PHF21B: variants seen among roughly 807,000 people sequenced by gnomAD.
The protein encoded by PHF21B is PHD finger protein 21B.
In PHF21B, 22 loss-of-function variants were observed where a neutral mutation model predicts 62.2. The observed-to-expected ratio is 0.35, with a 90% CI of 0.25 to 0.51. PHF21B has a LOEUF of 0.51. Ranked by LOEUF, PHF21B falls within the 20% of genes least tolerant of loss-of-function variation. The pLI, the probability that PHF21B is intolerant of heterozygous loss-of-function variation, is 0.97. For synonymous variants in PHF21B, 341 were observed against 314.7 expected, an observed-to-expected ratio of 1.08 and a Z score of -0.88; for missense variants, 701 against 707.9, an observed-to-expected ratio of 0.99 and a Z score of 0.11.
At chr22:44,993,926 T>C (rs2073079813) in intron 2 of PHF21B, among the ~76,000 whole-genome samples, 1 of 152,210 alleles carries the variant, frequency 6.6e-6, no homozygotes. Flanking sequence ...CCCCAGCTTT[T>C]CTGAGATGGT....
chr22:44,884,804 A>G (rs545003416), intron 12 of PHF21B, among the ~76,000 whole-genome samples: 2 of 151,402 alleles, frequency 1.3e-5, no homozygotes, highest in East Asian at 3.9e-4. Context: ...CCAACACCAT[A>G]TCATCATCAC....
chr22:44,899,748 T>G (rs2071125152), intron 5 of PHF21B, among the ~76,000 whole-genome samples: 1 of 152,188 alleles, frequency 6.6e-6, no homozygotes, highest in Non-Finnish European at 1.5e-5. Flanking sequence ...CATTTAATCT[T>G]TTTGCTGCAA....
intron 5 of PHF21B, among the ~76,000 whole-genome samples, chr22:44,905,830 G>A (rs939617378): frequency 6.6e-6 from 1 of 152,126 alleles, no homozygotes; most frequent in Non-Finnish European, 1.5e-5. Flanking sequence ...GGGTTTCACC[G>A]TGTTAGCCAG....
chr22:44,931,039 C>T (rs1472977159), intron 2 of PHF21B, among the ~76,000 whole-genome samples: 1 of 152,208 alleles, frequency 6.6e-6, no homozygotes, highest in African/African-American at 2.4e-5. Context: ...CTTCAGCAAG[C>T]CCCACAAGGA....
At chr22:44,979,415 G>A (rs1205496714) in intron 2 of PHF21B, among the ~76,000 whole-genome samples, 1 of 152,234 alleles carries the variant, frequency 6.6e-6, no homozygotes, top group African/African-American at 2.4e-5. Context: ...CAGTCTTAAG[G>A]ACAGGCGGGG....
chr22:44,929,376 G>T (rs779518040), intron 2 of PHF21B, among the ~76,000 whole-genome samples: 1 of 152,140 alleles, frequency 6.6e-6, no homozygotes, highest in Admixed American at 6.5e-5. Flanking sequence ...CAGACATCCC[G>T]CCTTCATGAG....
intron 2 of PHF21B, among the ~76,000 whole-genome samples, chr22:45,002,449 C>T (rs957789345): frequency 6.6e-6 from 1 of 152,222 alleles, no homozygotes; most frequent in East Asian, 1.9e-4. Context: ...CTAAGAACCT[C>T]TGCTGAAGGC....
chr22:44,969,440 C>T (rs573626506), intron 2 of PHF21B, among the ~76,000 whole-genome samples: 14 of 152,226 alleles, frequency 9.2e-5, no homozygotes, highest in Admixed American at 1.3e-4. Flanking sequence ...CCAAGGCGGG[C>T]GGATCACTTG....
chr22:44,984,093 C>G (rs1333868935), intron 2 of PHF21B, among the ~76,000 whole-genome samples: 2 of 42,096 alleles, frequency 4.8e-5, no homozygotes, highest in Non-Finnish European at 1.0e-4. Flanking sequence ...TCACCATCAT[C>G]ATCACCATCA....
rs1281258640 is a variant in PHF21B at position 45,009,984 on chromosome 22, G to A, written c.-435C>T. On this transcript the variant is annotated 5_prime_UTR_variant, in exon 1 of 13. Transcript: ENST00000313237. This position sits in a 1 kb window ranked among gnomAD's most constrained non-coding sequence, Gnocchi z 5.9. ...TTGGGCCTCGGCAAAGTTGTGCCTC[G>A]GCACGATGCTAATTCGGCAGTGCCC... 1 of 146,160 alleles carries A rather than the reference G, an allele frequency of 6.8e-6. No homozygotes were observed. The highest frequency in any genetic ancestry group is 2.5e-5 in the African/African-American group (1 of 40,674). 9.1% of individuals were successfully genotyped at this position (146,160 alleles called of 1,614,324 possible).
chr22:44,927,146 G>A (rs563381197), intron 2 of PHF21B, among the ~76,000 whole-genome samples: 2 of 152,066 alleles, frequency 1.3e-5, no homozygotes, highest in Non-Finnish European at 2.9e-5. Context: ...CCGAGAGAGA[G>A]GTGAGGAGAT....
At chr22:44,898,616 A>G (rs1176776917) in intron 5 of PHF21B, among the ~76,000 whole-genome samples, 1 of 152,248 alleles carries the variant, frequency 6.6e-6, no homozygotes, top group African/African-American at 2.4e-5. Context: ...TTTAAATTAT[A>G]GTAAAAATTT....
chr22:44,888,189 G>C, intron 9 of PHF21B, 68 bp from the exon 10 acceptor site: 1 of 1,408,232 alleles, frequency 7.1e-7, no homozygotes, highest in Non-Finnish European at 9.3e-7. Context: ...GTCAGCCAGG[G>C]CCAGGCCCAG....
At chr22:44,951,628 C>A (rs1378610477) in intron 2 of PHF21B, among the ~76,000 whole-genome samples, 1 of 152,258 alleles carries the variant, frequency 6.6e-6, no homozygotes, top group Non-Finnish European at 1.5e-5. Context: ...TGTCCTTTTT[C>A]ATTGCTGCAT....
intron 2 of PHF21B, among the ~76,000 whole-genome samples, chr22:44,974,621 C>T (rs754817177): frequency 2.2e-4 from 33 of 152,152 alleles, no homozygotes; most frequent in Non-Finnish European, 3.8e-4. Context: ...TCCGGGCCCT[C>T]GTCACCACCT....
At chr22:45,008,936 G>A (rs1290530325) in intron 1 of PHF21B, 17 of 1,106,170 alleles carry the variant, frequency 1.5e-5, no homozygotes, top group Non-Finnish European at 1.8e-5. Flanking sequence ...CGGGGGAGGG[G>A]GGAGGAACAA....
intron 2 of PHF21B, among the ~76,000 whole-genome samples, chr22:44,957,744 T>A (rs2072330370): frequency 6.6e-6 from 1 of 152,188 alleles, no homozygotes; most frequent in Non-Finnish European, 1.5e-5. Context: ...CTCCTGAATT[T>A]AGATCTGCTG....
At chr22:44,993,099 C>T (rs944256060) in intron 2 of PHF21B, among the ~76,000 whole-genome samples, 3 of 152,152 alleles carry the variant, frequency 2.0e-5, no homozygotes, top group South Asian at 2.1e-4. Context: ...GGAGAAGCCA[C>T]GTGAACCTGA....
chr22:44,934,870 A>C (rs2071813309), intron 2 of PHF21B, among the ~76,000 whole-genome samples: 1 of 152,128 alleles, frequency 6.6e-6, no homozygotes, highest in Non-Finnish European at 1.5e-5. Context: ...CTCCAGACCC[A>C]CCGAAAGCTC....
Sources: allele counts gnomAD v4.1 joint callset (sites outside exome capture counted in the v4.1 genomes callset), GRCh38; gene constraint gnomAD v4.1.1; non-coding constraint Gnocchi (gnomAD v3.1); transcripts MANE v1.5; gene names NCBI Gene and HGNC (gene_info 2026-07-23, HGNC 2026-07-21).